The following PTPRD variants were observed in gnomAD, a reference collection of about 807,000 sequenced individuals.
PTPRD encodes the protein protein tyrosine phosphatase receptor type D, also known as receptor-type tyrosine-protein phosphatase delta.
Under a neutral mutation model 214.5 loss-of-function variants are expected in PTPRD, and 34 were observed. That is an observed-to-expected ratio of 0.16 (90% CI 0.12 to 0.21). The LOEUF (loss-of-function observed/expected upper bound fraction) is 0.21, where lower values mean the gene tolerates loss of function less well. Among genes scored for constraint, PTPRD ranks in the 10% least tolerant of loss-of-function variants. PTPRD has a pLI of 1.00. For synonymous variants in PTPRD, 1,128 were observed against 845.7 expected (o/e 1.33, Z -5.79); for missense variants, 2,545 against 2,398.7 (o/e 1.06, Z -1.27).
chr9:10,487,454 G>C (rs527707883), intron 2 of PTPRD, among the ~76,000 whole-genome samples: 1 of 151,658 alleles, frequency 6.6e-6, no homozygotes, highest in Non-Finnish European at 1.5e-5. Flanking sequence ...TTCATTTTTT[G>C]TTGATACATT....
chr9:9,849,559 G>T (rs1223745334), intron 5 of PTPRD, among the ~76,000 whole-genome samples: 5 of 152,058 alleles, frequency 3.3e-5, no homozygotes, highest in African/African-American at 1.2e-4. Context: ...GCCAGGAAAA[G>T]GAAAGAATTT....
At chr9:9,631,385 C>A (rs2095588895) in intron 7 of PTPRD, among the ~76,000 whole-genome samples, 1 of 152,068 alleles carries the variant, frequency 6.6e-6, no homozygotes, top group African/African-American at 2.4e-5. Context: ...TCAATAGTTT[C>A]TTTTGGCATG....
chr9:10,097,903 AACTAG>A (rs1487140528), intron 3 of PTPRD, among the ~76,000 whole-genome samples: 1 of 151,808 alleles, frequency 6.6e-6, no homozygotes, highest in Admixed American at 6.6e-5. Context: ...CGAGACTGCA[AACTAG>A]TTCAACCATT....
At chr9:10,342,848 G>C (rs1472916215) in intron 2 of PTPRD, among the ~76,000 whole-genome samples, 4 of 152,070 alleles carry the variant, frequency 2.6e-5, no homozygotes, top group African/African-American at 9.7e-5. Context: ...ACCAGCATAT[G>C]TCCATCCAGA....
intron 11 of PTPRD, among the ~76,000 whole-genome samples, chr9:8,743,567 C>G (rs1354832053): frequency 6.6e-6 from 1 of 152,088 alleles, no homozygotes; most frequent in East Asian, 1.9e-4. Flanking sequence ...AGAATATTCT[C>G]TTCATACCTC....
chr9:8,352,181 C>G (rs932704517), intron 39 of PTPRD, among the ~76,000 whole-genome samples: 13 of 152,112 alleles, frequency 8.5e-5, no homozygotes, highest in Admixed American at 7.2e-4. Context: ...AACACACTCC[C>G]TATTATTCTT....
chr9:10,124,155 G>C (rs1377921847), intron 3 of PTPRD, among the ~76,000 whole-genome samples: 2 of 152,116 alleles, frequency 1.3e-5, no homozygotes, highest in African/African-American at 4.8e-5. Flanking sequence ...AAAGAGCACA[G>C]GATGCAGCTA....
chr9:9,921,967 C>A lies in PTPRD; in HGVS notation c.-368+16540G>T, dbSNP rs75697511. 9.4e-3 allele frequency among the ~76,000 whole-genome samples: 1,435 copies of A among 152,090 alleles called. 15 individuals carry two copies. The highest frequency in any genetic ancestry group is 0.032 in the African/African-American group (1,345 of 41,500). On this transcript the variant is annotated intron_variant, in intron 5 of 45. Coordinates refer to ENST00000381196, the MANE Select transcript of PTPRD (RefSeq NM_002839.4). ...GCTAGTATTCAAGTCCAAGCAGTGT[C>A]GTTGTAAAGTCATACACTTAATCCC... is the stretch of plus-strand genomic sequence containing the variant.
chr9:8,916,114 C>T (rs1427325492), intron 11 of PTPRD, among the ~76,000 whole-genome samples: 1 of 152,038 alleles, frequency 6.6e-6, no homozygotes, highest in Non-Finnish European at 1.5e-5. Flanking sequence ...TTTGTGATGA[C>T]TCAGTGACAT....
intron 7 of PTPRD, among the ~76,000 whole-genome samples, chr9:9,688,747 T>C (rs1425730639): frequency 3.3e-5 from 5 of 151,852 alleles, no homozygotes; most frequent in East Asian, 1.9e-4. Flanking sequence ...TTTCCTTAGA[T>C]AGACTACTCT....
At chr9:8,930,422 A>G (rs1395839523) in intron 11 of PTPRD, among the ~76,000 whole-genome samples, 4 of 152,250 alleles carry the variant, frequency 2.6e-5, no homozygotes, top group South Asian at 4.1e-4. Flanking sequence ...CAATAAACAT[A>G]TGTGTGCATG....
intron 5 of PTPRD, among the ~76,000 whole-genome samples, chr9:9,862,259 G>A (rs75475044): frequency 0.016 from 2,382 of 150,970 alleles, 51 homozygotes; most frequent in African/African-American, 0.055. Context: ...GACACATTTA[G>A]ACAAAACAAA....
chr9:9,202,300 T>C (rs1001356199), intron 9 of PTPRD, among the ~76,000 whole-genome samples: 2 of 152,212 alleles, frequency 1.3e-5, no homozygotes, highest in Admixed American at 6.5e-5. Context: ...CCGAAGTCCC[T>C]ATGCAAGATG....
At chr9:9,826,129 A>C (rs2052741777) in intron 5 of PTPRD, among the ~76,000 whole-genome samples, 1 of 151,558 alleles carries the variant, frequency 6.6e-6, no homozygotes, top group Admixed American at 6.6e-5. Context: ...TTTAATATTT[A>C]TTAATTTGTC....
At chr9:9,118,331 G>A (rs775785065) in intron 10 of PTPRD, among the ~76,000 whole-genome samples, 7 of 152,076 alleles carry the variant, frequency 4.6e-5, no homozygotes, top group Non-Finnish European at 5.9e-5. Context: ...ATTCACAAGC[G>A]GAGTGAACAG....
At chr9:9,460,155 G>C (rs568896658) in intron 8 of PTPRD, among the ~76,000 whole-genome samples, 2 of 151,940 alleles carry the variant, frequency 1.3e-5, no homozygotes, top group Non-Finnish European at 2.9e-5. Flanking sequence ...GAAGAAAAGT[G>C]AAATGACCCC....
intron 5 of PTPRD, among the ~76,000 whole-genome samples, chr9:9,877,745 C>A (rs1164178579): frequency 1.3e-5 from 2 of 152,032 alleles, no homozygotes; most frequent in African/African-American, 4.8e-5. Context: ...GAGGACGAGG[C>A]AGGCAGATCA....
chr9:8,710,595 G>A (rs1336201731), intron 12 of PTPRD, among the ~76,000 whole-genome samples: 1 of 152,054 alleles, frequency 6.6e-6, no homozygotes. Context: ...CAGTCTGGGT[G>A]ACAGAGTGAG....
intron 12 of PTPRD, among the ~76,000 whole-genome samples, chr9:8,670,341 C>A (rs1218138261): frequency 6.6e-6 from 1 of 152,116 alleles, no homozygotes; most frequent in Non-Finnish European, 1.5e-5. Context: ...ACCACTGTTT[C>A]ATTCTGTATC....
Sources: gnomAD v4.1 joint callset for allele counts (sites outside exome capture counted in the v4.1 genomes callset) on GRCh38, gnomAD v4.1.1 for gene constraint, MANE v1.5 for transcripts, NCBI Gene and HGNC (gene_info 2026-07-23, HGNC 2026-07-21) for gene names.